The following GSN variants were observed in gnomAD, a reference collection of about 807,000 sequenced individuals.
GSN encodes the protein gelsolin.
In GSN, 56 loss-of-function variants were observed where a neutral mutation model predicts 85.7. The observed-to-expected ratio is 0.65, with a 90% confidence interval of 0.53 to 0.82. The LOEUF (loss-of-function observed/expected upper bound fraction) is 0.82, where lower values mean the gene tolerates loss of function less well. Ranked by LOEUF, GSN falls within the 40% of genes least tolerant of loss-of-function variation. The probability of loss-of-function intolerance (pLI) is 0.00; values close to 1 mark genes in which losing one functional copy is unlikely to be tolerated. For missense variants in GSN, 857 were observed against 979.8 expected (o/e 0.87, Z 1.67); for synonymous variants, 373 against 399.1 (o/e 0.93, Z 0.78).
intron 2 of GSN, chr9:121,284,923 C>T (rs2057883290): frequency 6.0e-6 from 1 of 167,434 alleles, no homozygotes; most frequent in African/African-American, 2.4e-5. Flanking sequence ...ACAGCAACAT[C>T]CTCAACGCCC....
At chr9:121,255,285 C>A (rs1009707470) in intron 6 of GSN, among the ~76,000 whole-genome samples, 9 of 152,166 alleles carry the variant, frequency 5.9e-5, no homozygotes, top group Non-Finnish European at 1.2e-4. Flanking sequence ...GCTATGTCAC[C>A]CAGTCTAGAG....
chr9:121,286,611 C>G, intron 2 of GSN: 1 of 1,513,562 alleles, frequency 6.6e-7, no homozygotes, highest in South Asian at 1.3e-5. Flanking sequence ...GGGCCCACAA[C>G]TGCTTGAATG....
At chr9:121,268,840 C>T (rs1180348522) in intron 1 of GSN, among the ~76,000 whole-genome samples, 1 of 152,196 alleles carries the variant, frequency 6.6e-6, no homozygotes, top group Admixed American at 6.5e-5. Context: ...TGATTGGAAC[C>T]CCTTCTCCCT....
chr9:121,296,388 G>C (rs1431942659), intron 2 of GSN, among the ~76,000 whole-genome samples: 4 of 152,188 alleles, frequency 2.6e-5, no homozygotes, highest in African/African-American at 7.2e-5. Context: ...CAAGTCAGGG[G>C]CTGTGGACTG....
chr9:121,238,442 C>T (rs1382694553), intron 5 of GSN, among the ~76,000 whole-genome samples: 1 of 152,220 alleles, frequency 6.6e-6, no homozygotes, highest in Non-Finnish European at 1.5e-5. Context: ...CCAGGTTCTT[C>T]AGCTTTGGGA....
intron 4 of GSN, among the ~76,000 whole-genome samples, chr9:121,212,897 C>T (rs1426751483): frequency 6.6e-6 from 1 of 152,120 alleles, no homozygotes; most frequent in Non-Finnish European, 1.5e-5. Context: ...AATCCACCCA[C>T]CTCGGCCTCC....
At chr9:121,206,913 C>A (rs1472261604), upstream of GSN, among the ~76,000 whole-genome samples, 1 of 152,138 alleles carries the variant, frequency 6.6e-6, no homozygotes, top group African/African-American at 2.4e-5. Flanking sequence ...AAACATCTTT[C>A]AACTTTAGAT....
intron 5 of GSN, among the ~76,000 whole-genome samples, chr9:121,242,452 A>T (rs964755295): frequency 6.6e-6 from 1 of 150,786 alleles, no homozygotes; most frequent in Admixed American, 6.7e-5. Context: ...TGTCCTCTGG[A>T]AAAAGGGGGA....
At chr9:121,304,137 G>A (rs1382223121) in intron 4 of GSN, among the ~76,000 whole-genome samples, 1 of 152,234 alleles carries the variant, frequency 6.6e-6, no homozygotes, top group African/African-American at 2.4e-5. Context: ...CTGGACCTCA[G>A]GATCATCTAT....
Position 121,303,038 on chromosome 9 carries a change from C to T in GSN, c.324C>T (p.Gly108=), listed in dbSNP as rs2060054679. The T allele has an allele frequency of 6.2e-7, 1 of 1,613,796 alleles. No homozygotes were observed. ...VQGFESATFL[G]YFKSGLKYKK... is the part of the protein sequence containing the mutation. ...GCTTCGAGTCGGCCACCTTCCTAGG[C>T]TACTTCAAGTCTGGCCTGAAGTACA... Residue 108 remains glycine (G), a synonymous_variant, in exon 4 of 18, where the codon GGC becomes GGT. Coordinates refer to ENST00000432226, the MANE Select transcript of GSN (RefSeq NM_198252.3).
Position 121,328,134 on chromosome 9 carries a change from G to A in GSN, c.1762+652G>A, listed in dbSNP as rs1257153829. Reference sequence around the variant, plus strand: ...TCCTTGCATCTCTAGACTCTCCATGGACAGAAATGCCACCAGCCTGCTCTG... The same window carrying A: ...TCCTTGCATCTCTAGACTCTCCATGAACAGAAATGCCACCAGCCTGCTCTG... On this transcript the variant is annotated intron_variant, in intron 14 of 17. Coordinates refer to ENST00000432226, the MANE Select transcript of GSN (RefSeq NM_198252.3). 2.6e-5 allele frequency among the ~76,000 whole-genome samples: 4 copies of A among 152,212 alleles called. No individual in the cohort carries two copies. The East Asian group carries it at 7.7e-4, about 29-fold the overall frequency.
intron 4 of GSN, among the ~76,000 whole-genome samples, chr9:121,219,960 C>T (rs1005682566): frequency 1.3e-5 from 2 of 152,148 alleles, no homozygotes; most frequent in Admixed American, 1.3e-4. Context: ...CAGCTCACCG[C>T]AATCTCCGCC....
chr9:121,249,778 G>C (rs1483145843), intron 6 of GSN, among the ~76,000 whole-genome samples: 5 of 152,164 alleles, frequency 3.3e-5, no homozygotes, highest in Non-Finnish European at 7.3e-5. Flanking sequence ...GGACCAGGTG[G>C]GCACGTGAGC....
intron 6 of GSN, among the ~76,000 whole-genome samples, chr9:121,255,772 C>T (rs1423230742): frequency 6.6e-6 from 1 of 152,084 alleles, no homozygotes; most frequent in Non-Finnish European, 1.5e-5. Flanking sequence ...TTTGCTATTG[C>T]AAGCAATGAT....
chr9:121,203,776 C>T (rs2053841065), upstream of GSN, among the ~76,000 whole-genome samples: 1 of 152,162 alleles, frequency 6.6e-6, no homozygotes, highest in Admixed American at 6.5e-5. Flanking sequence ...TAATATCTCT[C>T]TCAAATAGGT....
At chr9:121,307,334 G>GGTA (rs1449086035) in intron 4 of GSN, among the ~76,000 whole-genome samples, 1 of 152,044 alleles carries the variant, frequency 6.6e-6, no homozygotes, top group Non-Finnish European at 1.5e-5. Flanking sequence ...TATTTAGAGG[G>GGTA]GTAAAAATTT....
intron 2 of GSN, chr9:121,282,118 T>G (rs758774363): frequency 2.2e-6 from 1 of 464,756 alleles, no homozygotes. Flanking sequence ...CCTGCTGAAG[T>G]AGGTGGGGAG....
Position 121,299,686 on chromosome 9 carries a change from C to A in GSN, c.-9-2277C>A. On this transcript the variant is annotated intron_variant, in intron 2 of 17. Coordinates refer to ENST00000432226, the MANE Select transcript of GSN (RefSeq NM_198252.3). This position sits in a 1 kb window ranked among gnomAD's most constrained non-coding sequence, Gnocchi z 4.2. Reference sequence around the variant, plus strand: ...GAGCTGGGGTGCAGGGGCTGCCGCGCCCTGTCGGGTCGATCCGGGTGGGAA... The same window carrying A: ...GAGCTGGGGTGCAGGGGCTGCCGCGACCTGTCGGGTCGATCCGGGTGGGAA... The A allele has an allele frequency of 1.2e-6, 1 of 802,674 alleles. No individual in the cohort carries two copies. Among genetic ancestry groups the A allele is most frequent in the Non-Finnish European group, 1.6e-6 (1 of 622,318 alleles). 49.7% of individuals were successfully genotyped at this position (802,674 alleles called of 1,614,324 possible). A position where few individuals can be genotyped will look rare whatever the true frequency, so the allele number is the denominator to read the frequency against.
In GSN at chr9:121,292,562, C is replaced by T. The variant is rs180915858; in HGVS notation, c.-9-9401C>T. Among the ~76,000 whole-genome samples the T allele has an allele frequency of 1.1e-4, 17 of 152,322 alleles. No individual in the cohort carries two copies. In the East Asian group the frequency reaches 3.3e-3, roughly 29 times the overall value. ...GCCAAACACAGTGCCAGGGCTCCTTCAGTCCTACCAGACACCCCACCAGGT... is the reference window on the plus strand; with the variant it reads ...GCCAAACACAGTGCCAGGGCTCCTTTAGTCCTACCAGACACCCCACCAGGT... On this transcript the variant is annotated intron_variant, in intron 2 of 17. Coordinates refer to ENST00000432226, the MANE Select transcript of GSN (RefSeq NM_198252.3).
Sources: allele counts gnomAD v4.1 joint callset (sites outside exome capture counted in the v4.1 genomes callset), GRCh38; gene constraint gnomAD v4.1.1; non-coding constraint Gnocchi (gnomAD v3.1); transcripts MANE v1.5; gene names NCBI Gene and HGNC (gene_info 2026-07-23, HGNC 2026-07-21).